The following MAGI2 variants were observed in gnomAD, a reference collection of about 807,000 sequenced individuals.
The protein encoded by MAGI2 is membrane-associated guanylate kinase, WW and PDZ domain-containing protein 2.
Under a neutral mutation model 133.3 loss-of-function variants are expected in MAGI2, and 35 were observed. The observed-to-expected ratio is 0.26, with a 90% CI of 0.20 to 0.35. MAGI2 has a LOEUF of 0.35. MAGI2 is among the 10% of genes least tolerant of loss of function. The pLI, the probability that MAGI2 is intolerant of heterozygous loss-of-function variation, is 1.00. For missense variants in MAGI2, 1,636 were observed against 1,863.4 expected, an observed-to-expected ratio of 0.88 and a Z score of 2.25; for synonymous variants, 729 against 710.6, an observed-to-expected ratio of 1.03 and a Z score of -0.41.
chr7:78,417,023 C>T (rs778700970), intron 6 of MAGI2, among the ~76,000 whole-genome samples: 10 of 152,064 alleles, frequency 6.6e-5, no homozygotes, highest in Non-Finnish European at 1.5e-4. Flanking sequence ...CACTGAAAGC[C>T]TCCAAATATA....
chr7:78,099,524 T>C (rs1818014048), intron 20 of MAGI2, among the ~76,000 whole-genome samples: 1 of 152,140 alleles, frequency 6.6e-6, no homozygotes, highest in African/African-American at 2.4e-5. Context: ...TTGAAAACAG[T>C]AATACATCAC....
intron 1 of MAGI2, among the ~76,000 whole-genome samples, chr7:79,204,637 T>C (rs1828884183): frequency 6.6e-6 from 1 of 152,050 alleles, no homozygotes; most frequent in Admixed American, 6.5e-5. Flanking sequence ...ATTGAAGATA[T>C]ATAACCTGCT....
chr7:79,052,318 C>T (rs1393264030), intron 1 of MAGI2, among the ~76,000 whole-genome samples: 1 of 152,114 alleles, frequency 6.6e-6, no homozygotes, highest in Non-Finnish European at 1.5e-5. Context: ...ACTTGTGGGA[C>T]CTGTGCAAAA....
At chr7:79,058,924 C>A (rs1408073022) in intron 1 of MAGI2, among the ~76,000 whole-genome samples, 4 of 152,000 alleles carry the variant, frequency 2.6e-5, no homozygotes, top group African/African-American at 9.7e-5. Flanking sequence ...ATAGCATTTA[C>A]TTTTCAGGGT....
chr7:78,343,968 G>A lies in MAGI2; in HGVS notation c.1226-8C>T, dbSNP rs1249987229. Reference sequence around the variant, plus strand: ...GGGTGAAGAGTGGTTTTTCTACATTGGCCAATATAAGTTAAAAAAGAAAAA... The same window carrying A: ...GGGTGAAGAGTGGTTTTTCTACATTAGCCAATATAAGTTAAAAAAGAAAAA... On this transcript the variant is annotated splice_region_variant and splice_polypyrimidine_tract_variant and intron_variant, in intron 8 of 21. Transcript: ENST00000354212. 3 of 1,601,866 alleles carry A rather than the reference G, an allele frequency of 1.9e-6. No homozygotes were observed. In the Admixed American group the frequency reaches 5.3e-5, roughly 28 times the overall value.
At chr7:78,975,368 A>C (rs1804156219) in intron 2 of MAGI2, among the ~76,000 whole-genome samples, 1 of 151,888 alleles carries the variant, frequency 6.6e-6, no homozygotes, top group South Asian at 2.1e-4. Context: ...CAACAATATA[A>C]GACGTTTGAA....
At chr7:78,662,364 A>G (rs1163305605) in intron 2 of MAGI2, among the ~76,000 whole-genome samples, 1 of 152,154 alleles carries the variant, frequency 6.6e-6, no homozygotes, top group Non-Finnish European at 1.5e-5. Flanking sequence ...GTATTTTCTT[A>G]CTTCTATGTT....
rs1023302579 is a variant in MAGI2 at position 79,192,465 on chromosome 7, T to TA, written c.302-185260dup. The stretch of plus-strand genomic sequence containing the variant: ...ATTTATAATATATTGAGGGTATATA[T>TA]AAAAAAAACTACAAGAAGGGACTGG... On this transcript the variant is annotated intron_variant, in intron 1 of 21. Transcript: ENST00000354212. Among the ~76,000 whole-genome samples the TA allele has an allele frequency of 2.2e-3, 330 of 151,726 alleles. 7 individuals are homozygous for TA. Among genetic ancestry groups the TA allele is most frequent in the African/African-American group, 7.6e-3 (316 of 41,318 alleles).
intron 21 of MAGI2, among the ~76,000 whole-genome samples, chr7:78,020,902 A>G (rs759331134): frequency 2.5e-4 from 38 of 152,288 alleles, no homozygotes; most frequent in Admixed American, 3.9e-4. Flanking sequence ...TTCTAACATT[A>G]TGGAGGGCCC....
Position 78,078,961 on chromosome 7 carries a change from T to C in MAGI2, c.3692A>G (p.Gln1231Arg). The change falls in exon 21 of 22, where the codon CAG (glutamine) becomes CGG (arginine). Residue 1231 changes from glutamine (Q) to arginine (R), a missense_variant. This residue lies in a region of MAGI2 where 49 missense variants were observed against 103.8 expected (regional missense o/e 0.47). Coordinates refer to ENST00000354212, the MANE Select transcript of MAGI2 (RefSeq NM_012301.4). Reference sequence around the variant, plus strand: ...GTGAAACGTACCATATTCTGGGACCTGTCCCGTGCCTCTCTTGAGCAGCAG... The same window carrying C: ...GTGAAACGTACCATATTCTGGGACCCGTCCCGTGCCTCTCTTGAGCAGCAG... Reference protein sequence around the residue: ...VRLLLKRGTGQVPEYDEPAPW... With the variant: ...VRLLLKRGTGRVPEYDEPAPW... 6.2e-7 allele frequency: 1 copy of C among 1,613,526 alleles called. No individual in the cohort carries two copies. The highest frequency in any genetic ancestry group is 8.5e-7 in the Non-Finnish European group (1 of 1,179,896).
intron 20 of MAGI2, among the ~76,000 whole-genome samples, chr7:78,102,809 A>G (rs1478698137): frequency 6.6e-6 from 1 of 152,244 alleles, no homozygotes; most frequent in Non-Finnish European, 1.5e-5. Flanking sequence ...AAGGCAATAG[A>G]TAATACATAA....
intron 1 of MAGI2, among the ~76,000 whole-genome samples, chr7:79,317,011 T>C (rs1042348777): frequency 4.1e-5 from 6 of 147,304 alleles, no homozygotes; most frequent in Non-Finnish European, 8.9e-5. Flanking sequence ...GTTTTTTTTT[T>C]TCTTTTTCTT....
chr7:78,813,912 A>G (rs896265447), intron 2 of MAGI2, among the ~76,000 whole-genome samples: 84 of 152,146 alleles, frequency 5.5e-4, no homozygotes, highest in African/African-American at 1.9e-3. Flanking sequence ...AGCTAACAAG[A>G]TACTTTATAG....
intron 2 of MAGI2, among the ~76,000 whole-genome samples, chr7:78,687,165 T>G (rs1395517107): frequency 6.6e-6 from 1 of 151,988 alleles, no homozygotes; most frequent in East Asian, 1.9e-4. Flanking sequence ...CACAATCAGG[T>G]TTTCTTCTCA....
rs1808439986 is a variant in MAGI2 at position 78,627,030 on chromosome 7, C to G, written c.538+90G>C. On this transcript the variant is annotated intron_variant, in intron 3 of 21. Coordinates refer to ENST00000354212, the MANE Select transcript of MAGI2 (RefSeq NM_012301.4). Reference sequence around the variant, plus strand: ...TTAAAGCTCTCAAACCCAAAACAGCCCATTAGTAACCTGGTGTCCCCGTGC... The same window carrying G: ...TTAAAGCTCTCAAACCCAAAACAGCGCATTAGTAACCTGGTGTCCCCGTGC... 3.0e-6 allele frequency: 4 copies of G among 1,348,026 alleles called. No homozygotes were observed. In the East Asian group the frequency reaches 1.1e-4, roughly 36 times the overall value. The allele number at this position is 1,348,026 out of a possible 1,614,324, so 83.5% of individuals were successfully genotyped here.
intron 6 of MAGI2, among the ~76,000 whole-genome samples, chr7:78,453,149 A>G (rs1788909421): frequency 6.6e-6 from 1 of 152,172 alleles, no homozygotes; most frequent in Admixed American, 6.6e-5. Flanking sequence ...TGCCACATCC[A>G]GACCTAAATC....
intron 10 of MAGI2, among the ~76,000 whole-genome samples, chr7:78,249,181 A>G (rs57483444): frequency 3.2e-4 from 48 of 152,216 alleles, no homozygotes; most frequent in African/African-American, 1.1e-3. Flanking sequence ...TCAATGTGTT[A>G]AGATAGCTAT....
At chr7:78,126,208 G>GTGTGTGTGTC (rs1820966135) in intron 19 of MAGI2, among the ~76,000 whole-genome samples, 1 of 151,980 alleles carries the variant, frequency 6.6e-6, no homozygotes, top group Non-Finnish European at 1.5e-5. Context: ...GTGTGTGTGT[G>GTGTGTGTGTC]TGTGTGTGTG....
At chr7:78,376,151 T>C (rs1199962922) in intron 6 of MAGI2, among the ~76,000 whole-genome samples, 2 of 152,150 alleles carry the variant, frequency 1.3e-5, no homozygotes, top group Non-Finnish European at 2.9e-5. Flanking sequence ...CCTTTTTCCA[T>C]GTATCAAGGT....
Sources: gnomAD v4.1 joint callset for allele counts (sites outside exome capture counted in the v4.1 genomes callset) on GRCh38, gnomAD v4.1.1 for gene constraint, gnomAD v4.1.1 regional missense constraint, MANE v1.5 for transcripts, NCBI Gene and HGNC (gene_info 2026-07-23, HGNC 2026-07-21) for gene names.